The following CCDC6 variants were observed in gnomAD, a reference collection of about 807,000 sequenced individuals.
The protein encoded by CCDC6 is coiled-coil domain containing 6, also known as coiled-coil domain-containing protein 6.
CCDC6 carries 20 observed loss-of-function variants against 56.6 expected under a neutral mutation model. The ratio of observed to expected loss-of-function variants is 0.35; its 90% CI spans 0.25 to 0.51. The LOEUF is 0.51. CCDC6 is among the 20% of genes least tolerant of loss of function. The pLI, the probability that CCDC6 is intolerant of heterozygous loss-of-function variation, is 0.95. For synonymous variants in CCDC6, 241 were observed against 234.4 expected (o/e 1.03, Z -0.26); for missense variants, 367 against 601.1 (o/e 0.61, Z 4.07).
intron 1 of CCDC6, among the ~76,000 whole-genome samples, chr10:59,877,827 G>A (rs997310295): frequency 6.6e-6 from 1 of 152,152 alleles, no homozygotes; most frequent in African/African-American, 2.4e-5. Flanking sequence ...AGGGTAACCA[G>A]AGCCAAGCAA....
chr10:59,851,104 A>C (rs2071034772), intron 2 of CCDC6, among the ~76,000 whole-genome samples: 1 of 149,404 alleles, frequency 6.7e-6, no homozygotes, highest in South Asian at 2.2e-4. Flanking sequence ...CTTTGGTTAA[A>C]GACTCCAAAA....
intron 1 of CCDC6, among the ~76,000 whole-genome samples, chr10:59,899,611 A>G (rs2071489287): frequency 6.6e-6 from 1 of 152,148 alleles, no homozygotes; most frequent in African/African-American, 2.4e-5. Context: ...TCCCCCTGCA[A>G]TGGGCCAGAG....
chr10:59,874,741 A>G (rs1226704977), intron 1 of CCDC6, among the ~76,000 whole-genome samples: 1 of 152,172 alleles, frequency 6.6e-6, no homozygotes, highest in Non-Finnish European at 1.5e-5. Context: ...CAGAGAAGAG[A>G]TCAGAGTGAT....
intron 6 of CCDC6, chr10:59,805,383 G>A (rs547000996): frequency 1.3e-5 from 2 of 150,046 alleles, no homozygotes; most frequent in East Asian, 1.9e-4. Context: ...GTTCCTAGTA[G>A]GGAAAGTATT....
Position 59,882,024 on chromosome 10 carries a change from C to CA in CCDC6, c.303+24097_303+24098insT, listed in dbSNP as rs1491423168. On this transcript the variant is annotated intron_variant, in intron 1 of 8. Transcript: ENST00000263102. ...AAGCTGGGGAGAAGGAAAGGAAAGC[C>CA]GCGGGGAGAAGGAAAGGAAAGCCAG... 9.3e-3 allele frequency among the ~76,000 whole-genome samples: 451 copies of CA among 48,280 alleles called. 139 individuals carry two copies. The highest frequency in any genetic ancestry group is 0.015 in the Admixed American group (53 of 3,622). The allele number at this position is 48,280 out of a possible 152,430, so 31.7% of individuals were successfully genotyped here. A position where few individuals can be genotyped will look rare whatever the true frequency, so the allele number is the denominator to read the frequency against.
rs562917172 is a variant in CCDC6 at position 59,890,191 on chromosome 10, G to A, written c.303+15931C>T. Among the ~76,000 whole-genome samples the A allele has an allele frequency of 2.6e-5, 4 of 152,288 alleles. No individual in the cohort carries two copies. In the South Asian group the frequency reaches 8.3e-4, roughly 32 times the overall value. On this transcript the variant is annotated intron_variant, in intron 1 of 8. Coordinates refer to ENST00000263102, the MANE Select transcript of CCDC6 (RefSeq NM_005436.5). The stretch of plus-strand genomic sequence containing the variant: ...TACCACTGCAGGCTGGCGAGGAAAG[G>A]AGACATAAAACAAGGGGTTTCGTAA...
intron 2 of CCDC6, among the ~76,000 whole-genome samples, chr10:59,842,164 C>G (rs187076191): frequency 6.6e-6 from 1 of 152,160 alleles, no homozygotes; most frequent in Admixed American, 6.5e-5. Flanking sequence ...GCCTCAGCAT[C>G]CCGAGTAGCT....
At chr10:59,836,052 TAAA>T (rs59353306) in intron 2 of CCDC6, among the ~76,000 whole-genome samples, 12 of 57,586 alleles carry the variant, frequency 2.1e-4, no homozygotes, top group Non-Finnish European at 3.1e-4. Flanking sequence ...CGACCCTGTC[TAAA>T]AAAAAAAAAA....
intron 3 of CCDC6, among the ~76,000 whole-genome samples, chr10:59,820,728 T>C (rs2070743263): frequency 6.6e-6 from 1 of 151,336 alleles, no homozygotes; most frequent in African/African-American, 2.4e-5. Flanking sequence ...AGCCTGGGTG[T>C]CAGAGCAAGA....
intron 1 of CCDC6, among the ~76,000 whole-genome samples, chr10:59,862,069 G>A (rs1172421389): frequency 2.0e-5 from 3 of 152,080 alleles, no homozygotes; most frequent in Non-Finnish European, 4.4e-5. Flanking sequence ...AAATCTTCAA[G>A]GCAGCCAGAG....
At chr10:59,874,408 T>C (rs1474562241) in intron 1 of CCDC6, among the ~76,000 whole-genome samples, 2 of 152,230 alleles carry the variant, frequency 1.3e-5, no homozygotes, top group Non-Finnish European at 2.9e-5. Flanking sequence ...AGGTGGTTCA[T>C]GGATTAACCA....
chr10:59,833,986 C>G (rs2070857794), intron 2 of CCDC6, among the ~76,000 whole-genome samples: 1 of 152,124 alleles, frequency 6.6e-6, no homozygotes. Flanking sequence ...CAAGAGAGGT[C>G]GCCTTCAGAC....
At chr10:59,867,443 T>C (rs2071186666) in intron 1 of CCDC6, among the ~76,000 whole-genome samples, 1 of 152,216 alleles carries the variant, frequency 6.6e-6, no homozygotes, top group Non-Finnish European at 1.5e-5. Context: ...CTATTCTCTC[T>C]GAAGCCTGCT....
intron 1 of CCDC6, among the ~76,000 whole-genome samples, chr10:59,855,299 G>T (rs979989661): frequency 2.6e-5 from 4 of 152,214 alleles, no homozygotes; most frequent in Non-Finnish European, 5.9e-5. Flanking sequence ...CAGGCGCAGT[G>T]GCTCATGCCC....
chr10:59,829,093 C>A (rs573527852), intron 3 of CCDC6, among the ~76,000 whole-genome samples: 1 of 152,260 alleles, frequency 6.6e-6, no homozygotes, highest in South Asian at 2.1e-4. Context: ...GTGTCCATAC[C>A]AAAGGACTAA....
chr10:59,893,737 CG>C (rs2071442181), intron 1 of CCDC6, among the ~76,000 whole-genome samples: 2 of 92,740 alleles, frequency 2.2e-5, no homozygotes, highest in Non-Finnish European at 4.7e-5. Flanking sequence ...GGTTCTCCAC[CG>C]AAGGCTTTAC....
chr10:59,860,485 G>C (rs1358595946), intron 1 of CCDC6, among the ~76,000 whole-genome samples: 1 of 152,142 alleles, frequency 6.6e-6, no homozygotes. Context: ...TAATGCTGAA[G>C]AAGGGGCCAG....
At chr10:59,862,566 C>CAT (rs1406012052) in intron 1 of CCDC6, among the ~76,000 whole-genome samples, 12 of 127,710 alleles carry the variant, frequency 9.4e-5, no homozygotes, top group Admixed American at 2.2e-4. Context: ...CATATATATA[C>CAT]ACATACACAC....
At chr10:59,842,741 T>C (rs537302982) in intron 2 of CCDC6, among the ~76,000 whole-genome samples, 14 of 148,956 alleles carry the variant, frequency 9.4e-5, no homozygotes, top group African/African-American at 3.3e-4. Flanking sequence ...TTAGAATTTA[T>C]GGAAGACAAT....
Sources: allele counts gnomAD v4.1 joint callset (sites outside exome capture counted in the v4.1 genomes callset), GRCh38; gene constraint gnomAD v4.1.1; transcripts MANE v1.5; gene names NCBI Gene and HGNC (gene_info 2026-07-23, HGNC 2026-07-21).